Variants in KIAA1217 observed in about 807,000 individuals in gnomAD.
The protein encoded by KIAA1217 is sickle tail protein homolog.
In KIAA1217, 88 loss-of-function variants were observed where a neutral mutation model predicts 163.9. That is an observed-to-expected ratio of 0.54 (90% CI 0.45 to 0.64). The LOEUF is 0.64. KIAA1217 is among the 30% of genes least tolerant of loss of function. KIAA1217 has a pLI of 0.00. For synonymous variants in KIAA1217, 903 were observed against 923.1 expected (o/e 0.98, Z 0.39); for missense variants, 2,372 against 2,475.0 (o/e 0.96, Z 0.88).
intron 2 of KIAA1217, among the ~76,000 whole-genome samples, chr10:24,179,658 A>G (rs2066075353): frequency 6.6e-6 from 1 of 151,942 alleles, no homozygotes. Context: ...GTTCCATCTC[A>G]GCTCACTGCA....
At chr10:23,896,058 G>T (rs1340134069) in intron 1 of KIAA1217, among the ~76,000 whole-genome samples, 1 of 151,016 alleles carries the variant, frequency 6.6e-6, no homozygotes, top group African/African-American at 2.4e-5. Flanking sequence ...CGAGTTAGTG[G>T]GTGCAGCACA....
At position 24,388,843 on chromosome 10, in the gene KIAA1217, A is replaced by AAAC. The variant is rs1564593986; in HGVS notation, c.553+7776_553+7777insAAC. On this transcript the variant is annotated intron_variant, in intron 3 of 20. Transcript: ENST00000376454. ...CTGGTCATCAGAGAAATGCAAATCAATCCACAATGAGATACCATCTCACAC... is the reference window on the plus strand; with the variant it reads ...CTGGTCATCAGAGAAATGCAAATCAAAACTCCACAATGAGATACCATCTCACAC... Among the ~76,000 whole-genome samples the AAAC allele has an allele frequency of 4.4e-3, 627 of 141,722 alleles. 15 individuals carry two copies. Among genetic ancestry groups the AAAC allele is most frequent in the African/African-American group, 0.017 (585 of 34,332 alleles). 93.0% of individuals were successfully genotyped at this position (141,722 alleles called of 152,430 possible). A position where few individuals can be genotyped will look rare whatever the true frequency, so the allele number is the denominator to read the frequency against.
intron 2 of KIAA1217, among the ~76,000 whole-genome samples, chr10:24,372,131 G>T (rs60704280): frequency 0.16 from 23,916 of 152,034 alleles, 2,139 homozygotes; most frequent in South Asian, 0.3. Context: ...GGGTTTGGTC[G>T]AGGTTCTGCT....
At chr10:24,065,473 T>G (rs565335542) in intron 2 of KIAA1217, among the ~76,000 whole-genome samples, 2 of 152,368 alleles carry the variant, frequency 1.3e-5, no homozygotes, top group African/African-American at 4.8e-5. Flanking sequence ...TTCTTACTCC[T>G]GAGTTCTAGT....
intron 2 of KIAA1217, among the ~76,000 whole-genome samples, chr10:24,186,891 A>G (rs979821369): frequency 6.6e-6 from 1 of 152,170 alleles, no homozygotes; most frequent in African/African-American, 2.4e-5. Context: ...CTCCGTCTAA[A>G]AAAAACAAAA....
chr10:23,770,413 A>C (rs917664751), intron 1 of KIAA1217, among the ~76,000 whole-genome samples: 2 of 152,218 alleles, frequency 1.3e-5, no homozygotes, highest in South Asian at 2.1e-4. Context: ...TGCTTAAAAT[A>C]TTCCTTCAGG....
intron 2 of KIAA1217, among the ~76,000 whole-genome samples, chr10:24,077,275 T>C (rs973457035): frequency 6.6e-6 from 1 of 152,148 alleles, no homozygotes; most frequent in Admixed American, 6.6e-5. Context: ...GCACAGATCA[T>C]CCCATCACCC....
In KIAA1217 at chr10:24,219,830, C is replaced by G. The variant is rs1013733207; in HGVS notation, c.275C>G (p.Ala92Gly). Residue 92 changes from alanine (A) to glycine (G), a missense_variant, in exon 2 of 21, where the codon GCG becomes GGG. Physicochemically the swap from Ala to Gly is moderately conservative, Grantham distance 60 (BLOSUM62 0). Coordinates refer to ENST00000376454, the MANE Select transcript of KIAA1217 (RefSeq NM_019590.5). ...QTSEMDRKRE[A>G]FLEHLKQKYP... The stretch of plus-strand genomic sequence containing the variant: ...TCTGAGATGGATCGGAAGAGAGAAG[C>G]GTTCCTAGAACATCTGAAGCAGAAG... 1.9e-6 allele frequency: 3 copies of G among 1,613,812 alleles called. No individual in the cohort carries two copies. The African/African-American group carries it at 4.0e-5, about 22-fold the overall frequency.
intron 1 of KIAA1217, among the ~76,000 whole-genome samples, chr10:23,989,319 A>AC (rs1258749921): frequency 3.9e-4 from 60 of 152,376 alleles, no homozygotes; most frequent in Non-Finnish European, 2.9e-5. Flanking sequence ...GTTTTATGTG[A>AC]CGCAGGATAC....
At chr10:23,833,237 G>A (rs1259667242) in intron 1 of KIAA1217, among the ~76,000 whole-genome samples, 4 of 152,072 alleles carry the variant, frequency 2.6e-5, no homozygotes, top group Non-Finnish European at 5.9e-5. Flanking sequence ...CTTACAGTGA[G>A]TTCTCAATTA....
At chr10:24,311,917 C>CT (rs79470232) in intron 2 of KIAA1217, among the ~76,000 whole-genome samples, 1 of 152,078 alleles carries the variant, frequency 6.6e-6, no homozygotes, top group Non-Finnish European at 1.5e-5. Context: ...GTATAGCTGG[C>CT]TTTTTTGTAA....
intron 3 of KIAA1217, among the ~76,000 whole-genome samples, chr10:24,430,339 T>C (rs1026389761): frequency 6.6e-6 from 1 of 152,068 alleles, no homozygotes; most frequent in African/African-American, 2.4e-5. Context: ...CTTCTGTGGA[T>C]GTGATGGGTG....
chr10:23,770,699 C>T (rs1034607599), intron 1 of KIAA1217, among the ~76,000 whole-genome samples: 1 of 152,304 alleles, frequency 6.6e-6, no homozygotes, highest in African/African-American at 2.4e-5. Flanking sequence ...TCTAGCATCT[C>T]TATGATGCAC....
intron 2 of KIAA1217, among the ~76,000 whole-genome samples, chr10:24,313,172 CA>C (rs1404224273): frequency 2.0e-5 from 3 of 152,286 alleles, no homozygotes; most frequent in Non-Finnish European, 4.4e-5. Context: ...CTGCTGAATG[CA>C]AATCAACAGT....
intron 1 of KIAA1217, among the ~76,000 whole-genome samples, chr10:23,717,592 G>T (rs1837652211): frequency 6.6e-6 from 1 of 152,078 alleles, no homozygotes; most frequent in Non-Finnish European, 1.5e-5. Flanking sequence ...CAGGTGGGGT[G>T]GTTCAGGAGA....
intron 1 of KIAA1217, among the ~76,000 whole-genome samples, chr10:23,757,627 C>T (rs1480658490): frequency 2.0e-5 from 3 of 152,164 alleles, no homozygotes; most frequent in Non-Finnish European, 4.4e-5. Context: ...CCATGATTCT[C>T]TTGCCTCAGC....
At chr10:24,477,707 A>G (rs2064196247) in intron 6 of KIAA1217, among the ~76,000 whole-genome samples, 1 of 152,234 alleles carries the variant, frequency 6.6e-6, no homozygotes, top group South Asian at 2.1e-4. Context: ...TATTAGCACA[A>G]TTATGCAGAA....
At chr10:23,953,422 A>G (rs117685733) in intron 1 of KIAA1217, among the ~76,000 whole-genome samples, 1,605 of 152,360 alleles carry the variant, frequency 0.011, 9 homozygotes, top group Middle Eastern at 0.02. Context: ...AAGTTCATAT[A>G]AAATAGATAC....
intron 2 of KIAA1217, among the ~76,000 whole-genome samples, chr10:24,376,849 A>G (rs2052571855): frequency 6.6e-6 from 1 of 152,012 alleles, no homozygotes; most frequent in Non-Finnish European, 1.5e-5. Flanking sequence ...TGCTCCTTTC[A>G]TTTGGTAGAG....
Sources: gnomAD v4.1 joint callset for allele counts (sites outside exome capture counted in the v4.1 genomes callset) on GRCh38, gnomAD v4.1.1 for gene constraint, MANE v1.5 for transcripts, NCBI Gene and HGNC (gene_info 2026-07-23, HGNC 2026-07-21) for gene names.